The following FRMPD4 variants were observed in gnomAD, a reference collection of about 807,000 sequenced individuals.
FRMPD4 encodes the protein FERM and PDZ domain-containing protein 4.
In FRMPD4, 22 loss-of-function variants were observed where a neutral mutation model predicts 94.1. The ratio of observed to expected loss-of-function variants is 0.23; its 90% confidence interval spans 0.17 to 0.33. FRMPD4 has a LOEUF of 0.33. Among genes scored for constraint, FRMPD4 ranks in the 10% least tolerant of loss-of-function variants. The probability of loss-of-function intolerance (pLI) is 1.00; values close to 1 mark genes in which losing one functional copy is unlikely to be tolerated. For missense variants in FRMPD4, 1,111 were observed against 1,339.9 expected (o/e 0.83, Z 2.67); for synonymous variants, 631 against 548.6 (o/e 1.15, Z -2.10).
At chrX:12,230,904 ATACTATATATATTACTATATTACT>A in intron 1 of FRMPD4, among the ~76,000 whole-genome samples, 1 of 85,787 alleles carries the variant, frequency 1.2e-5, no homozygotes, top group Non-Finnish European at 2.2e-5. Flanking sequence ...TATACTATAT[ATACTATATATATTACTATATTACT>A]ATATATACTA....
intron 3 of FRMPD4, among the ~76,000 whole-genome samples, chrX:12,118,124 C>A (rs1601950332): frequency 9.0e-6 from 1 of 111,380 alleles, no homozygotes; most frequent in East Asian, 2.8e-4. Context: ...CTTCTAAAAC[C>A]CCTTAGTACT....
At chrX:12,441,122 G>T (rs1279733665) in intron 1 of FRMPD4, among the ~76,000 whole-genome samples, 1 of 112,024 alleles carries the variant, frequency 8.9e-6, no homozygotes, top group Non-Finnish European at 1.9e-5. Context: ...TCACTGTGCT[G>T]TTGAAAGCCC....
chrX:12,315,199 T>C (rs2055096080), intron 1 of FRMPD4, among the ~76,000 whole-genome samples: 1 of 112,540 alleles, frequency 8.9e-6, no homozygotes, highest in Non-Finnish European at 1.9e-5. Context: ...TTTAATGTCT[T>C]GTGTGATTAA....
intron 1 of FRMPD4, among the ~76,000 whole-genome samples, chrX:12,495,458 T>A (rs1357817078): frequency 9.0e-6 from 1 of 111,555 alleles, no homozygotes; most frequent in East Asian, 2.8e-4. Flanking sequence ...AGAGCCTGGA[T>A]TGAAGAGAGT....
intron 1 of FRMPD4, among the ~76,000 whole-genome samples, chrX:11,822,873 T>C (rs1244987257): frequency 8.9e-6 from 1 of 112,466 alleles, no homozygotes; most frequent in Non-Finnish European, 1.9e-5. Flanking sequence ...ACTGTTTCTA[T>C]GTGCCATTTA....
intron 3 of FRMPD4, among the ~76,000 whole-genome samples, chrX:11,885,873 C>A (rs1199885335): frequency 8.9e-6 from 1 of 111,891 alleles, no homozygotes; most frequent in South Asian, 3.8e-4. Flanking sequence ...AGCAGCATAA[C>A]CCCATAGGTG....
chrX:12,718,806 ATTTAGCAC>A lies in FRMPD4; in HGVS notation c.3964+20_3964+27del, dbSNP rs1022089693. The A allele has an allele frequency of 2.9e-6, 3 of 1,040,703 alleles. No homozygotes were observed. The highest frequency in any genetic ancestry group is 4.0e-6 in the Non-Finnish European group (3 of 747,872). 85.8% of individuals were successfully genotyped at this position (1,040,703 alleles called of 1,213,427 possible). A position where few individuals can be genotyped will look rare whatever the true frequency, so the allele number is the denominator to read the frequency against. On this transcript the variant is annotated intron_variant, in intron 16 of 16. Transcript: ENST00000675598. ...GAAACCACAGGTACAGCAATGATGGATTTAGCACTTTGTATGACATGCCAAGAGCATGT... is the reference window on the plus strand; with the variant it reads ...GAAACCACAGGTACAGCAATGATGGATTTGTATGACATGCCAAGAGCATGT...
chrX:12,390,194 GTTTTA>G (rs908739016), intron 1 of FRMPD4, among the ~76,000 whole-genome samples: 1 of 112,288 alleles, frequency 8.9e-6, no homozygotes, highest in Admixed American at 9.4e-5. Context: ...CACCATTGTG[GTTTTA>G]TTTTCAGTCT....
intron 1 of FRMPD4, among the ~76,000 whole-genome samples, chrX:11,857,372 C>G (rs1004573487): frequency 7.2e-5 from 8 of 111,316 alleles, no homozygotes; most frequent in African/African-American, 2.3e-4. Context: ...GAACTATAGA[C>G]AAATGGAACA....
intron 3 of FRMPD4, among the ~76,000 whole-genome samples, chrX:11,953,418 T>A (rs1053158076): frequency 9.0e-6 from 1 of 111,696 alleles, no homozygotes; most frequent in Non-Finnish European, 1.9e-5. Flanking sequence ...TTTCTGACAA[T>A]GGAATTTAGG....
intron 1 of FRMPD4, among the ~76,000 whole-genome samples, chrX:12,211,064 C>T (rs779150179): frequency 1.8e-5 from 2 of 112,165 alleles, no homozygotes; most frequent in Non-Finnish European, 1.9e-5. Context: ...ATTTATTTTA[C>T]GATCTCAGTA....
chrX:12,227,576 G>A (rs1451588166), intron 1 of FRMPD4, among the ~76,000 whole-genome samples: 1 of 111,595 alleles, frequency 9.0e-6, no homozygotes, highest in Non-Finnish European at 1.9e-5. Context: ...CAAAGCAGAA[G>A]GATGGCTCAA....
chrX:11,944,482 A>G (rs1447853922), intron 3 of FRMPD4, among the ~76,000 whole-genome samples: 2 of 112,077 alleles, frequency 1.8e-5, no homozygotes, highest in African/African-American at 6.5e-5. Context: ...ATTTCCAGCA[A>G]TAGGTAGGAT....
At chrX:12,359,452 CT>C (rs1040973753) in intron 1 of FRMPD4, among the ~76,000 whole-genome samples, 1 of 103,754 alleles carries the variant, frequency 9.6e-6, no homozygotes, top group African/African-American at 3.5e-5. Flanking sequence ...TATCATCATT[CT>C]TTTTTTGTTT....
chrX:12,606,839 G>A (rs1326416652), intron 2 of FRMPD4, among the ~76,000 whole-genome samples: 1 of 110,999 alleles, frequency 9.0e-6, no homozygotes, highest in Non-Finnish European at 1.9e-5. Flanking sequence ...GGACAGAATT[G>A]TTTTCAGATG....
chrX:12,534,814 G>T (rs2058321308), intron 2 of FRMPD4, among the ~76,000 whole-genome samples: 1 of 112,450 alleles, frequency 8.9e-6, no homozygotes, highest in African/African-American at 3.2e-5. Context: ...ATAGGCAGAA[G>T]GGACTTGCCT....
chrX:12,343,414 C>T lies in FRMPD4; in HGVS notation c.42-155266C>T, dbSNP rs550797838. Among the ~76,000 whole-genome samples the T allele has an allele frequency of 2.1e-4, 23 of 111,287 alleles. No homozygotes were observed. In the South Asian group the frequency reaches 8.6e-3, roughly 41 times the overall value. ...ATCCATCTGGCTGGGCCCAGCAGGT[C>T]AGTTAGAAATCTGGGTCTGGAGCTC... On this transcript the variant is annotated intron_variant, in intron 1 of 16. Coordinates refer to ENST00000675598, the MANE Select transcript of FRMPD4 (RefSeq NM_001368397.1).
intron 1 of FRMPD4, among the ~76,000 whole-genome samples, chrX:12,490,489 C>G (rs921133563): frequency 8.9e-6 from 1 of 112,120 alleles, no homozygotes; most frequent in African/African-American, 3.2e-5. Context: ...TTCCAAGCAC[C>G]TAGAACAGCG....
rs139519263 is a variant in FRMPD4, at chrX:12,299,477, C to G, written c.41+160465C>G. On this transcript the variant is annotated intron_variant, in intron 1 of 16. Transcript: ENST00000675598. ...TAAGAATTTCTCATCTTAAAAAGGA[C>G]ATAAGGAATAAGCGCCAAGACAAAA... 5.6e-3 allele frequency among the ~76,000 whole-genome samples: 612 copies of G among 109,276 alleles called. 1 individual carries two copies. The highest frequency in any genetic ancestry group is 0.019 in the Middle Eastern group (4 of 213). 94.9% of individuals were successfully genotyped at this position (109,276 alleles called of 115,157 possible). A position where few individuals can be genotyped will look rare whatever the true frequency, so the allele number is the denominator to read the frequency against.
Sources: allele counts gnomAD v4.1 joint callset (sites outside exome capture counted in the v4.1 genomes callset), GRCh38; gene constraint gnomAD v4.1.1; transcripts MANE v1.5; gene names NCBI Gene and HGNC (gene_info 2026-07-23, HGNC 2026-07-21).